The following RAPGEF4 variants were observed in gnomAD, a reference collection of about 807,000 sequenced individuals.
RAPGEF4 encodes RAP guanine-nucleotide-exchange factor (GEF) 4.
Under a neutral mutation model 147.9 loss-of-function variants are expected in RAPGEF4, and 66 were observed. That is an observed-to-expected ratio of 0.45 (90% CI 0.37 to 0.55). RAPGEF4 has a LOEUF of 0.55. RAPGEF4 is among the 20% of genes least tolerant of loss of function. The pLI is 0.00. For missense variants in RAPGEF4, 1,071 were observed against 1,257.3 expected, an observed-to-expected ratio of 0.85 and a Z score of 2.24; for synonymous variants, 419 against 442.7, an observed-to-expected ratio of 0.95 and a Z score of 0.67.
At position 173,017,279 on chromosome 2, in the gene RAPGEF4, A is replaced by G. The variant is rs1172598528; in HGVS notation, c.1929+75A>G. On this transcript the variant is annotated intron_variant, in intron 20 of 30. Coordinates refer to ENST00000397081, the MANE Select transcript of RAPGEF4 (RefSeq NM_007023.4). ...TTCCCCAGAAATATTATATTGCAGT[A>G]TACATAAAAGTGATTTCTTTTTTGT... 4 of 1,530,278 alleles carry G rather than the reference A, an allele frequency of 2.6e-6. No individual in the cohort carries two copies. In the East Asian group the frequency reaches 9.0e-5, roughly 35 times the overall value. 94.8% of individuals were successfully genotyped at this position (1,530,278 alleles called of 1,614,324 possible).
intron 29 of RAPGEF4, among the ~76,000 whole-genome samples, chr2:173,047,043 G>A (rs1685559200): frequency 6.6e-6 from 1 of 152,158 alleles, no homozygotes; most frequent in African/African-American, 2.4e-5. Context: ...AGAGATCGGG[G>A]AGTCTCTTTC....
chr2:172,797,386 T>C, intron 2 of RAPGEF4, 139 bp from the exon 3 acceptor site: 1 of 610,936 alleles, frequency 1.6e-6, no homozygotes, highest in Non-Finnish European at 2.9e-6. Flanking sequence ...ACATGTTATG[T>C]TCCTGTGGGC....
At chr2:172,887,618 C>T (rs897802882) in intron 4 of RAPGEF4, among the ~76,000 whole-genome samples, 1 of 152,176 alleles carries the variant, frequency 6.6e-6, no homozygotes, top group Non-Finnish European at 1.5e-5. Flanking sequence ...TAGCTGCAAC[C>T]AATACTGTAT....
At chr2:173,035,413 A>G (rs1448002294) in intron 27 of RAPGEF4, among the ~76,000 whole-genome samples, 2 of 151,256 alleles carry the variant, frequency 1.3e-5, no homozygotes, top group Non-Finnish European at 1.5e-5. Flanking sequence ...CGGGAGGCTG[A>G]GGCAGGAGAA....
At chr2:172,863,084 T>C (rs1476211600) in intron 4 of RAPGEF4, among the ~76,000 whole-genome samples, 1 of 152,136 alleles carries the variant, frequency 6.6e-6, no homozygotes, top group South Asian at 2.1e-4. Flanking sequence ...TGACAGAATA[T>C]GGCAGCAGAT....
intron 23 of RAPGEF4, among the ~76,000 whole-genome samples, chr2:173,026,037 T>C (rs997758954): frequency 3.3e-5 from 5 of 152,172 alleles, no homozygotes; most frequent in Non-Finnish European, 7.3e-5. Context: ...TCAGACATCA[T>C]GTGTAACCTC....
chr2:172,765,268 A>C (rs1458394707), intron 1 of RAPGEF4, among the ~76,000 whole-genome samples: 1 of 152,156 alleles, frequency 6.6e-6, no homozygotes, highest in Non-Finnish European at 1.5e-5. Context: ...CTTCTTAACG[A>C]ATTACATCTG....
At chr2:172,937,523 A>T (rs575112662) in intron 6 of RAPGEF4, among the ~76,000 whole-genome samples, 1 of 152,284 alleles carries the variant, frequency 6.6e-6, no homozygotes, top group African/African-American at 2.4e-5. Flanking sequence ...CATATCAAGA[A>T]TATATACTAT....
intron 3 of RAPGEF4, among the ~76,000 whole-genome samples, chr2:172,808,775 T>C (rs1687739854): frequency 6.6e-6 from 1 of 152,182 alleles, no homozygotes; most frequent in African/African-American, 2.4e-5. Flanking sequence ...AGGTCAGTCA[T>C]TGGCAGAGAT....
intron 27 of RAPGEF4, among the ~76,000 whole-genome samples, chr2:173,034,650 G>A (rs1415703844): frequency 6.6e-6 from 1 of 152,080 alleles, no homozygotes; most frequent in Non-Finnish European, 1.5e-5. Flanking sequence ...AGGAAAGGTG[G>A]ATTACTTGAG....
intron 3 of RAPGEF4, among the ~76,000 whole-genome samples, chr2:172,802,561 A>G (rs1307629437): frequency 2.0e-5 from 3 of 152,212 alleles, no homozygotes; most frequent in African/African-American, 7.2e-5. Context: ...GTTATAATTC[A>G]AGGTGAGATT....
chr2:172,767,302 C>T, intron 1 of RAPGEF4, among the ~76,000 whole-genome samples: 1 of 152,052 alleles, frequency 6.6e-6, no homozygotes, highest in East Asian at 1.9e-4. Flanking sequence ...CCTCAGCTTC[C>T]CGAGTAGCTG....
intron 4 of RAPGEF4, among the ~76,000 whole-genome samples, chr2:172,883,762 A>G (rs1242165242): frequency 3.3e-5 from 5 of 152,102 alleles, no homozygotes; most frequent in African/African-American, 9.7e-5. Flanking sequence ...TAAGCCACAG[A>G]ATCAACTTGT....
At chr2:173,046,602 TTAAAAG>T (rs1685501504) in intron 29 of RAPGEF4, among the ~76,000 whole-genome samples, 1 of 152,242 alleles carries the variant, frequency 6.6e-6, no homozygotes, top group Non-Finnish European at 1.5e-5. Flanking sequence ...AAAAAACAAC[TTAAAAG>T]TAAATTAGCA....
At chr2:172,858,433 C>T (rs143606021) in intron 4 of RAPGEF4, among the ~76,000 whole-genome samples, 67 of 152,306 alleles carry the variant, frequency 4.4e-4, no homozygotes, top group African/African-American at 1.5e-3. Flanking sequence ...ATTCTCTCAG[C>T]ATCCCAAACC....
chr2:172,882,900 C>G (rs1270067298), intron 4 of RAPGEF4, among the ~76,000 whole-genome samples: 1 of 152,086 alleles, frequency 6.6e-6, no homozygotes, highest in Non-Finnish European at 1.5e-5. Flanking sequence ...CTACTTGAAG[C>G]ATCAGACTGT....
intron 17 of RAPGEF4, among the ~76,000 whole-genome samples, 167 bp downstream of exon 17, chr2:173,001,511 C>T (rs1191866042): frequency 1.3e-5 from 2 of 152,146 alleles, no homozygotes; most frequent in African/African-American, 4.8e-5. Flanking sequence ...ACAGTTTTCC[C>T]CTGTACAGAC....
At chr2:172,988,319 T>C in intron 13 of RAPGEF4, 47 bp downstream of exon 13, 1 of 1,575,152 alleles carries the variant, frequency 6.3e-7, no homozygotes, top group South Asian at 1.2e-5. Context: ...CTCCACTTAC[T>C]AGTGTGGCTC....
chr2:172,953,918 A>G (rs895738942), intron 6 of RAPGEF4, among the ~76,000 whole-genome samples: 1 of 152,200 alleles, frequency 6.6e-6, no homozygotes, highest in African/African-American at 2.4e-5. Flanking sequence ...CTGGTGGGCT[A>G]GAGTGGCTAC....
Sources: allele counts gnomAD v4.1 joint callset (sites outside exome capture counted in the v4.1 genomes callset), GRCh38; gene constraint gnomAD v4.1.1; transcripts MANE v1.5; gene names NCBI Gene and HGNC (gene_info 2026-07-23, HGNC 2026-07-21).